Variants in RFFL observed in about 807,000 individuals in gnomAD.
RFFL encodes the protein E3 ubiquitin-protein ligase rififylin.
Under a neutral mutation model 40.4 loss-of-function variants are expected in RFFL, and 16 were observed. The ratio of observed to expected loss-of-function variants is 0.40; its 90% CI spans 0.27 to 0.60. The LOEUF (loss-of-function observed/expected upper bound fraction) is 0.60. Among genes scored for constraint, RFFL ranks in the 20% least tolerant of loss-of-function variants. The pLI, the probability that RFFL is intolerant of heterozygous loss-of-function variation, is 0.47. For missense variants in RFFL, 367 were observed against 451.7 expected, an observed-to-expected ratio of 0.81 and a Z score of 1.70; for synonymous variants, 154 against 167.9, an observed-to-expected ratio of 0.92 and a Z score of 0.64.
intron 1 of RFFL, among the ~76,000 whole-genome samples, chr17:35,037,012 T>C (rs1211126580): frequency 6.6e-6 from 1 of 152,240 alleles, no homozygotes; most frequent in African/African-American, 2.4e-5. Context: ...ATTCTGATTT[T>C]AATTAACTGC....
chr17:35,066,560 A>G (rs1286895182), upstream of RFFL, among the ~76,000 whole-genome samples: 4 of 152,154 alleles, frequency 2.6e-5, no homozygotes, highest in African/African-American at 9.7e-5. Flanking sequence ...CATATATTCA[A>G]ATATGACTTG....
chr17:35,008,824 G>A lies in RFFL; in HGVS notation c.*3144C>T, dbSNP rs1292005038. On this transcript the variant is annotated 3_prime_UTR_variant, in exon 7 of 7. Transcript: ENST00000394597. ...TTTTTTGTATTTTTAGTAGAGACGG[G>A]GTTTCACCGTGTTAGCCAGGGTGGT... 1.3e-5 allele frequency: 2 copies of A among 152,112 alleles called. No homozygotes were observed. The highest frequency in any genetic ancestry group is 2.4e-5 in the African/African-American group (1 of 41,402). The allele number at this position is 152,112 out of a possible 1,614,324, so 9.4% of individuals were successfully genotyped here.
chr17:35,065,571 A>AG (rs2091316653), upstream of RFFL, among the ~76,000 whole-genome samples: 1 of 152,102 alleles, frequency 6.6e-6, no homozygotes, highest in East Asian at 1.9e-4. Context: ...AAAAAAAAAA[A>AG]AAAAAAGAAA....
chr17:35,075,374 G>A (rs1362660117), intron 1 of RFFL, among the ~76,000 whole-genome samples: 1 of 152,172 alleles, frequency 6.6e-6, no homozygotes, highest in Non-Finnish European at 1.5e-5. Flanking sequence ...CAAGTATTCA[G>A]GGAATGACCA....
Position 35,016,543 on chromosome 17 carries a change from C to T in RFFL, c.713G>A (p.Arg238Lys). ...DSEDSFVPGR[R>K]ASLSDLTDLE... ...GTCAGTCAGGTCAGACAGAGAGGCC[C>T]TTCGGCCTGGGACAAAGCTGTCCTC... is the stretch of plus-strand genomic sequence containing the variant. Residue 238 changes from arginine (R) to lysine (K), a missense_variant, in exon 5 of 7, where the codon AGG (arginine) becomes AAG (lysine). Physicochemically the swap from Arg to Lys is conservative, Grantham distance 26 (BLOSUM62 2). Transcript: ENST00000394597. 2 of 1,614,122 alleles carry T rather than the reference C, an allele frequency of 1.2e-6. No homozygotes were observed. The highest frequency in any genetic ancestry group is 1.7e-6 in the Non-Finnish European group (2 of 1,180,006).
At chr17:35,051,714 G>GT in intron 1 of RFFL, among the ~76,000 whole-genome samples, 1 of 152,198 alleles carries the variant, frequency 6.6e-6, no homozygotes, top group Non-Finnish European at 1.5e-5. Flanking sequence ...AATTGAAAAT[G>GT]TTTTAATAAT....
chr17:35,075,233 G>A (rs2091370074), intron 1 of RFFL, among the ~76,000 whole-genome samples: 1 of 152,182 alleles, frequency 6.6e-6, no homozygotes, highest in Non-Finnish European at 1.5e-5. Context: ...CCAGGGGGCT[G>A]CTACAACATT....
intron 1 of RFFL, among the ~76,000 whole-genome samples, chr17:35,049,311 C>T (rs144318497): frequency 3.7e-4 from 56 of 152,268 alleles, no homozygotes; most frequent in African/African-American, 1.3e-3. Context: ...AATGCACACA[C>T]ACACACACAC....
chr17:35,019,473 A>T (rs1012358579), intron 3 of RFFL, among the ~76,000 whole-genome samples: 1 of 152,068 alleles, frequency 6.6e-6, no homozygotes, highest in Non-Finnish European at 1.5e-5. Context: ...TCGACCTCCC[A>T]GGCTTAAATG....
rs2142298670 is a variant in RFFL, at chr17:35,006,090, T to G, written c.*5878A>C. ...CACCTGAGAACAGATCCATACAACCTGCTTACAAAGAACAGCTCCTGTGCT... is the reference window on the plus strand; with the variant it reads ...CACCTGAGAACAGATCCATACAACCGGCTTACAAAGAACAGCTCCTGTGCT... On this transcript the variant is annotated 3_prime_UTR_variant, in exon 7 of 7. Coordinates refer to ENST00000394597, the MANE Select transcript of RFFL (RefSeq NM_001017368.2). The G allele has an allele frequency of 5.6e-6, 1 of 179,458 alleles. No individual in the cohort carries two copies. Among genetic ancestry groups the G allele is most frequent in the African/African-American group, 2.4e-5 (1 of 41,854 alleles). The allele number at this position is 179,458 out of a possible 1,614,324, so 11.1% of individuals were successfully genotyped here.
chr17:35,080,701 T>G (rs752316893), intron 1 of RFFL, among the ~76,000 whole-genome samples: 3 of 152,176 alleles, frequency 2.0e-5, no homozygotes, highest in African/African-American at 4.8e-5. Flanking sequence ...AGTTTCAAGA[T>G]GAGTAGGCAG....
intron 1 of RFFL, among the ~76,000 whole-genome samples, chr17:35,060,930 T>C (rs1567713650): frequency 1.3e-5 from 2 of 152,092 alleles, no homozygotes; most frequent in African/African-American, 4.8e-5. Flanking sequence ...AGAAGATGCA[T>C]ATATGAACTA....
chr17:35,078,479 T>C (rs6505441), intron 1 of RFFL, among the ~76,000 whole-genome samples: 13,940 of 152,106 alleles, frequency 0.092, 1,959 homozygotes, highest in African/African-American at 0.3. Flanking sequence ...ATTTTTTGTA[T>C]TTTTTGGAGA....
chr17:35,059,904 C>T (rs1357529184), intron 1 of RFFL, among the ~76,000 whole-genome samples: 1 of 152,114 alleles, frequency 6.6e-6, no homozygotes, highest in Non-Finnish European at 1.5e-5. Context: ...GTATGAGAGA[C>T]CCAAAATTGA....
intron 3 of RFFL, among the ~76,000 whole-genome samples, chr17:35,018,321 T>TATATAAA (rs1386789585): frequency 6.6e-6 from 1 of 152,230 alleles, no homozygotes; most frequent in Admixed American, 6.5e-5. Context: ...TATAAAACAC[T>TATATAAA]GCCTATGCTT....
intron 4 of RFFL, among the ~76,000 whole-genome samples, chr17:35,017,151 C>T (rs1000779744): frequency 6.6e-6 from 1 of 151,988 alleles, no homozygotes; most frequent in African/African-American, 2.4e-5. Context: ...CTGGACTGGC[C>T]CTGCCTGGCT....
chr17:35,038,286 CAAAAAA>C (rs33952696), intron 1 of RFFL, among the ~76,000 whole-genome samples: 2 of 99,338 alleles, frequency 2.0e-5, no homozygotes, highest in Non-Finnish European at 4.1e-5. Context: ...AAAACTGTCT[CAAAAAA>C]AAAAAAAAAA....
chr17:35,055,965 C>T (rs962310441), intron 1 of RFFL, among the ~76,000 whole-genome samples: 8 of 152,104 alleles, frequency 5.3e-5, no homozygotes, highest in African/African-American at 1.9e-4. Flanking sequence ...GGTCCCATTA[C>T]TTCACCTTTC....
At chr17:35,029,707 ATACTTT>A (rs1393481425) in intron 1 of RFFL, among the ~76,000 whole-genome samples, 2 of 150,884 alleles carry the variant, frequency 1.3e-5, no homozygotes, top group Non-Finnish European at 2.9e-5. Flanking sequence ...TTTTATTATT[ATACTTT>A]AAGTTTTAGG....
Sources: allele counts gnomAD v4.1 joint callset (sites outside exome capture counted in the v4.1 genomes callset), GRCh38; gene constraint gnomAD v4.1.1; transcripts MANE v1.5; gene names NCBI Gene and HGNC (gene_info 2026-07-23, HGNC 2026-07-21).